Variants in BRINP1 observed in about 807,000 individuals in gnomAD.
BRINP1 encodes the protein BMP/retinoic acid-inducible neural-specific protein 1.
Under a neutral mutation model 72.9 loss-of-function variants are expected in BRINP1, and 17 were observed. The observed-to-expected ratio is 0.23, with a 90% confidence interval of 0.16 to 0.35. BRINP1 has a LOEUF of 0.35. BRINP1 is among the 10% of genes least tolerant of loss of function. The pLI is 1.00. For synonymous variants in BRINP1, 418 were observed against 378.5 expected, an observed-to-expected ratio of 1.10 and a Z score of -1.21; for missense variants, 850 against 1,001.6, an observed-to-expected ratio of 0.85 and a Z score of 2.04.
rs1829886567 is a variant in BRINP1, at chr9:119,208,786, C to A, written c.1078G>T (p.Ala360Ser). The part of the protein sequence containing the change: ...EAQRQKIQRT[A>S]RKLFGLSVRC... The stretch of plus-strand genomic sequence containing the variant: ...ACACTGAGGCCGAAAAGCTTGCGGG[C>A]AGTGCGTTGGATCTTTTGTCTCTGT... The change falls in exon 7 of 8, where the codon GCC becomes TCC. Residue 360 changes from alanine to serine, a missense_variant. Ala to Ser is a moderately conservative substitution (Grantham distance 99, BLOSUM62 1). Transcript: ENST00000265922. 5.6e-6 allele frequency: 9 copies of A among 1,614,126 alleles called. No individual in the cohort carries two copies. The East Asian group carries it at 8.9e-5, about 16-fold the overall frequency.
chr9:119,175,008 C>T (rs910801375), intron 7 of BRINP1, among the ~76,000 whole-genome samples: 2 of 148,408 alleles, frequency 1.3e-5, no homozygotes, highest in Non-Finnish European at 3.0e-5. Context: ...GGGAGATATA[C>T]CTAATGCTAG....
At chr9:119,248,485 T>C (rs1234681108) in intron 3 of BRINP1, among the ~76,000 whole-genome samples, 1 of 152,096 alleles carries the variant, frequency 6.6e-6, no homozygotes, top group Non-Finnish European at 1.5e-5. Flanking sequence ...CTGAGCAGGG[T>C]GGAACAATTA....
At chr9:119,264,085 A>T (rs548425909) in intron 2 of BRINP1, among the ~76,000 whole-genome samples, 223 of 152,314 alleles carry the variant, frequency 1.5e-3, no homozygotes, top group African/African-American at 5.1e-3. Context: ...AAATTGCCTA[A>T]GTCTTCAGTG....
chr9:119,330,260 C>CGTAT (rs925636157), intron 1 of BRINP1, among the ~76,000 whole-genome samples: 3 of 152,160 alleles, frequency 2.0e-5, no homozygotes, highest in Non-Finnish European at 4.4e-5. Context: ...CTGAAGGATA[C>CGTAT]AGTCCAAATT....
chr9:119,249,167 A>T lies in BRINP1; in HGVS notation c.219-17T>A. 6.2e-7 allele frequency: 1 copy of T among 1,608,392 alleles called. No individual in the cohort carries two copies. The highest frequency in any genetic ancestry group is 1.7e-4 in the Middle Eastern group (1 of 6,034). ...GCAAACTCCCTGGGCAGGAGAAATG[A>T]GCAACACTTCTCAACTTACCACCAT... On this transcript the variant is annotated splice_polypyrimidine_tract_variant and intron_variant, in intron 2 of 7. Transcript: ENST00000265922.
chr9:119,253,903 C>A (rs1830419306), intron 2 of BRINP1, among the ~76,000 whole-genome samples: 1 of 152,162 alleles, frequency 6.6e-6, no homozygotes, highest in African/African-American at 2.4e-5. Flanking sequence ...CACTGGCCAA[C>A]AATCCAGGCT....
At chr9:119,309,351 G>C (rs1265719885) in intron 2 of BRINP1, among the ~76,000 whole-genome samples, 1 of 152,134 alleles carries the variant, frequency 6.6e-6, no homozygotes, top group East Asian at 1.9e-4. Flanking sequence ...ATAGAGTTAA[G>C]GGCCCATGTT....
At chr9:119,186,629 G>A (rs1829623722) in intron 7 of BRINP1, among the ~76,000 whole-genome samples, 1 of 152,138 alleles carries the variant, frequency 6.6e-6, no homozygotes, top group Non-Finnish European at 1.5e-5. Flanking sequence ...CTGACCCCCA[G>A]GGAAGCACAG....
chr9:119,178,889 T>G (rs1481922586), intron 7 of BRINP1, among the ~76,000 whole-genome samples: 2 of 152,036 alleles, frequency 1.3e-5, no homozygotes, highest in Admixed American at 1.3e-4. Flanking sequence ...AGAAAAGAAA[T>G]AAATTGAAAT....
chr9:119,270,059 A>G (rs772298103), intron 2 of BRINP1, among the ~76,000 whole-genome samples: 1 of 152,096 alleles, frequency 6.6e-6, no homozygotes, highest in Non-Finnish European at 1.5e-5. Flanking sequence ...CATGGAGAAG[A>G]TGACATTTGA....
At chr9:119,259,454 A>C (rs1830477570) in intron 2 of BRINP1, among the ~76,000 whole-genome samples, 2 of 152,234 alleles carry the variant, frequency 1.3e-5, no homozygotes, top group Non-Finnish European at 2.9e-5. Flanking sequence ...GGATAGTTTA[A>C]ATGATCTTAA....
chr9:119,185,282 C>G (rs1018771226), intron 7 of BRINP1, among the ~76,000 whole-genome samples: 2 of 151,844 alleles, frequency 1.3e-5, no homozygotes, highest in Non-Finnish European at 2.9e-5. Context: ...TCAAGAACAC[C>G]AAAAAAACAT....
intron 2 of BRINP1, among the ~76,000 whole-genome samples, chr9:119,278,197 G>A (rs1388909572): frequency 1.3e-5 from 2 of 151,950 alleles, no homozygotes; most frequent in Non-Finnish European, 2.9e-5. Context: ...GATCTCTCAG[G>A]TCCCTTTCAG....
At chr9:119,232,154 T>C (rs1231495000) in intron 5 of BRINP1, among the ~76,000 whole-genome samples, 1 of 152,188 alleles carries the variant, frequency 6.6e-6, no homozygotes, top group Non-Finnish European at 1.5e-5. Context: ...TTTGGGGTCA[T>C]CCTTGACTTC....
chr9:119,268,289 T>TAGATAGACAGACAGAC (rs1554752352), intron 2 of BRINP1, among the ~76,000 whole-genome samples: 5 of 148,708 alleles, frequency 3.4e-5, no homozygotes, highest in African/African-American at 1.2e-4. Context: ...GATAGATAGA[T>TAGATAGACAGACAGAC]AGATAGATAG....
chr9:119,234,314 T>G (rs1830174032), intron 5 of BRINP1, among the ~76,000 whole-genome samples: 1 of 152,190 alleles, frequency 6.6e-6, no homozygotes, highest in Non-Finnish European at 1.5e-5. Flanking sequence ...GTCATGCTCA[T>G]TGCTGTGTTA....
chr9:119,276,525 A>C (rs1193365750), intron 2 of BRINP1, among the ~76,000 whole-genome samples: 1 of 152,224 alleles, frequency 6.6e-6, no homozygotes, highest in Non-Finnish European at 1.5e-5. Context: ...ATTTGTAATT[A>C]CTGCAGAAGG....
chr9:119,230,967 G>A (rs1179325586), intron 5 of BRINP1, among the ~76,000 whole-genome samples: 1 of 151,820 alleles, frequency 6.6e-6, no homozygotes, highest in Non-Finnish European at 1.5e-5. Context: ...TTTGGAAATT[G>A]GGAATAAGCT....
intron 3 of BRINP1, among the ~76,000 whole-genome samples, chr9:119,246,292 G>T (rs1330653749): frequency 6.6e-6 from 1 of 152,168 alleles, no homozygotes; most frequent in African/African-American, 2.4e-5. Context: ...CAGTGGACTG[G>T]GAAAGGCAGA....
Sources: gnomAD v4.1 joint callset for allele counts (sites outside exome capture counted in the v4.1 genomes callset) on GRCh38, gnomAD v4.1.1 for gene constraint, MANE v1.5 for transcripts, NCBI Gene and HGNC (gene_info 2026-07-23, HGNC 2026-07-21) for gene names.